UBIAD1: variants seen among roughly 807,000 people sequenced by gnomAD.
The protein encoded by UBIAD1 is UbiA prenyltransferase domain containing 1, also known as ubiA prenyltransferase domain-containing protein 1.
In UBIAD1, 12 loss-of-function variants were observed where a neutral mutation model predicts 20.1. The ratio of observed to expected loss-of-function variants is 0.60; its 90% CI spans 0.38 to 0.97. The LOEUF is 0.97. Ranked by LOEUF, UBIAD1 falls within the 50% of genes least tolerant of loss-of-function variation. UBIAD1 has a pLI of 0.00. For synonymous variants in UBIAD1, 207 were observed against 189.2 expected (o/e 1.09, Z -0.77); for missense variants, 333 against 419.5 (o/e 0.79, Z 1.80).
downstream of UBIAD1, among the ~76,000 whole-genome samples, chr1:11,296,332 G>C (rs1005792524): frequency 6.6e-6 from 1 of 152,060 alleles, no homozygotes; most frequent in South Asian, 2.1e-4. Flanking sequence ...GTCCAGGCTC[G>C]ATCACTCACC....
Position 11,279,352 on chromosome 1 carries a change from T to G in UBIAD1, c.529+5292T>G, listed in dbSNP as rs1405359607. 5.6e-5 allele frequency: 11 copies of G among 196,412 alleles called. No individual in the cohort carries two copies. The Admixed American group carries it at 5.7e-4, about 10-fold the overall frequency. The allele number at this position is 196,412 out of a possible 1,614,324, so 12.2% of individuals were successfully genotyped here. ...TACCATCTGGAGTGATGTCATCATG[T>G]GAGAAGGGCAAGGCTGGGGATAGAA... On this transcript the variant is annotated intron_variant, in intron 1 of 1. Coordinates refer to ENST00000376810, the MANE Select transcript of UBIAD1 (RefSeq NM_013319.3).
chr1:11,289,957 C>T (rs1638338456), downstream of UBIAD1, among the ~76,000 whole-genome samples: 1 of 152,092 alleles, frequency 6.6e-6, no homozygotes, highest in African/African-American at 2.4e-5. Flanking sequence ...GTCTCAAACT[C>T]CTGACCTTGA....
At chr1:11,294,004 C>G (rs745855678) in intron 1 of UBIAD1, among the ~76,000 whole-genome samples, 1 of 152,174 alleles carries the variant, frequency 6.6e-6, no homozygotes, top group Non-Finnish European at 1.5e-5. Flanking sequence ...CTTTTAAGAT[C>G]CAGCTCATAT....
At chr1:11,282,377 C>T (rs184990539) in intron 1 of UBIAD1, among the ~76,000 whole-genome samples, 3 of 152,242 alleles carry the variant, frequency 2.0e-5, no homozygotes, top group Admixed American at 2.0e-4. Context: ...TGGGCCACGT[C>T]TCTGAATCAG....
chr1:11,283,381 G>T (rs1652308867), intron 1 of UBIAD1, among the ~76,000 whole-genome samples: 2 of 152,148 alleles, frequency 1.3e-5, no homozygotes, highest in African/African-American at 4.8e-5. Flanking sequence ...CGTGGGTGTA[G>T]TCCCTTAAAT....
chr1:11,277,046 G>A (rs1652059157), intron 1 of UBIAD1, among the ~76,000 whole-genome samples: 1 of 151,932 alleles, frequency 6.6e-6, no homozygotes, highest in Non-Finnish European at 1.5e-5. Context: ...AGACCAGCCT[G>A]GCCAGCATGG....
downstream of UBIAD1, among the ~76,000 whole-genome samples, chr1:11,298,605 TAAAA>T (rs1163840565): frequency 4.6e-5 from 7 of 151,086 alleles, no homozygotes; most frequent in African/African-American, 1.7e-4. The surrounding 1 kb of genome is among the most constrained non-coding windows in gnomAD (Gnocchi z 4.0). Flanking sequence ...AATAAATAAA[TAAAA>T]GTTTCCCATG....
At chr1:11,298,580 A>G (rs1010163433), downstream of UBIAD1, among the ~76,000 whole-genome samples, 17 of 150,698 alleles carry the variant, frequency 1.1e-4, no homozygotes, top group African/African-American at 3.7e-4. This position sits in a 1 kb window ranked among gnomAD's most constrained non-coding sequence, Gnocchi z 4.0. Context: ...AAATAAATAA[A>G]TAAATAAATA....
At chr1:11,283,654 G>A (rs1318453289) in intron 1 of UBIAD1, among the ~76,000 whole-genome samples, 1 of 152,140 alleles carries the variant, frequency 6.6e-6, no homozygotes, top group East Asian at 1.9e-4. Flanking sequence ...AACTAAGGGT[G>A]TGTATTTAGC....
intron 1 of UBIAD1, among the ~76,000 whole-genome samples, chr1:11,281,737 C>T (rs1042232527): frequency 5.9e-5 from 9 of 152,208 alleles, no homozygotes; most frequent in African/African-American, 2.2e-4. Context: ...TCCCTGCCCC[C>T]ATCCAGAGAC....
chr1:11,276,966 G>T, intron 1 of UBIAD1, among the ~76,000 whole-genome samples: 1 of 152,060 alleles, frequency 6.6e-6, no homozygotes, highest in Non-Finnish European at 1.5e-5. Context: ...GCTGGATGTG[G>T]TAGTTTTTAC....
Position 11,286,650 on chromosome 1 carries a change from G to C in UBIAD1, c.*519G>C. The stretch of plus-strand genomic sequence containing the variant: ...CTGTGTCCTGAGATACGCTGCCTGA[G>C]ACAGAGAGAGTCCCTCATTAACAGC... On this transcript the variant is annotated 3_prime_UTR_variant, in exon 2 of 2. Transcript: ENST00000376810. 5.7e-6 allele frequency: 1 copy of C among 176,704 alleles called. No homozygotes were observed. Among genetic ancestry groups the C allele is most frequent in the Admixed American group, 5.4e-5 (1 of 18,374 alleles). 10.9% of individuals were successfully genotyped at this position (176,704 alleles called of 1,614,324 possible).
intron 1 of UBIAD1, among the ~76,000 whole-genome samples, chr1:11,277,309 T>TA (rs1652070738): frequency 1.3e-5 from 2 of 151,240 alleles, no homozygotes; most frequent in Admixed American, 6.6e-5. Context: ...TTTTTTTTTT[T>TA]AATTTAACGG....
In UBIAD1 at chr1:11,273,597, G is replaced by C. The variant is rs1370583391; in HGVS notation, c.66G>C (p.Gly22=). Reference sequence around the variant, plus strand: ...TGTCGGGAGAGACTGTCAAAGCTGGGGACAGGGACCCGCTGGGGAACGACT... The same window carrying C: ...TGTCGGGAGAGACTGTCAAAGCTGGCGACAGGGACCCGCTGGGGAACGACT... ...NILSGETVKA[G]DRDPLGNDCP... is the part of the protein sequence containing the mutation. Residue 22 remains glycine, a synonymous_variant, in exon 1 of 2, where the codon GGG becomes GGC. Coordinates refer to ENST00000376810, the MANE Select transcript of UBIAD1 (RefSeq NM_013319.3). The surrounding 1 kb of genome is among the most constrained non-coding windows in gnomAD (Gnocchi z 4.9). 1 of 1,613,902 alleles carries C rather than the reference G, an allele frequency of 6.2e-7. No homozygotes were observed.
intron 1 of UBIAD1, among the ~76,000 whole-genome samples, chr1:11,276,912 C>G (rs1427804829): frequency 1.3e-5 from 2 of 152,082 alleles, no homozygotes; most frequent in Non-Finnish European, 2.9e-5. Flanking sequence ...TTTCATACTA[C>G]TAGTAGTCAG....
Position 11,286,923 on chromosome 1 carries a change from T to C in UBIAD1, c.*792T>C, listed in dbSNP as rs548038430. On this transcript the variant is annotated 3_prime_UTR_variant, in exon 2 of 2. Coordinates refer to ENST00000376810, the MANE Select transcript of UBIAD1 (RefSeq NM_013319.3). Reference sequence around the variant, plus strand: ...AGTGACAGGAAGGACTCCCAGCCCTTTCAGTAACTATCAGGAGCCCTGAAA... The same window carrying C: ...AGTGACAGGAAGGACTCCCAGCCCTCTCAGTAACTATCAGGAGCCCTGAAA... 4.3e-4 allele frequency: 65 copies of C among 152,488 alleles called. 1 individual carries two copies. The highest frequency in any genetic ancestry group is 1.5e-3 in the African/African-American group (62 of 41,578). 9.4% of individuals were successfully genotyped at this position (152,488 alleles called of 1,614,324 possible). A position where few individuals can be genotyped will look rare whatever the true frequency, so the allele number is the denominator to read the frequency against.
At chr1:11,290,019 C>T (rs532559287), downstream of UBIAD1, among the ~76,000 whole-genome samples, 4 of 151,908 alleles carry the variant, frequency 2.6e-5, no homozygotes, top group South Asian at 2.1e-4. Flanking sequence ...TGTGAGCCAC[C>T]GCACCTGGCA....
intron 1 of UBIAD1, among the ~76,000 whole-genome samples, chr1:11,277,369 A>C (rs532177246): frequency 1.4e-5 from 2 of 145,742 alleles, no homozygotes; most frequent in South Asian, 2.1e-4. Context: ...ATCTTGGCTT[A>C]CCACAATCTC....
Position 11,278,786 on chromosome 1 carries a change from A to G in UBIAD1, c.529+4726A>G, listed in dbSNP as rs568481333. 22 of 503,136 alleles carry G rather than the reference A, an allele frequency of 4.4e-5. No homozygotes were observed. In the South Asian group the frequency reaches 8.0e-4, roughly 18 times the overall value. The allele number at this position is 503,136 out of a possible 1,614,324, so 31.2% of individuals were successfully genotyped here. On this transcript the variant is annotated intron_variant, in intron 1 of 1. Transcript: ENST00000376810. The stretch of plus-strand genomic sequence containing the variant: ...CCCACTGGAGTTATTTATTCCATTC[A>G]TATTAATTCTTGTTACAAATCTAAC...
Sources: gnomAD v4.1 joint callset for allele counts (sites outside exome capture counted in the v4.1 genomes callset) on GRCh38, gnomAD v4.1.1 for gene constraint, Gnocchi (gnomAD v3.1) non-coding constraint, MANE v1.5 for transcripts, NCBI Gene and HGNC (gene_info 2026-07-23, HGNC 2026-07-21) for gene names.